Variants in LRP6 observed in about 807,000 individuals in gnomAD.
LRP6 encodes the protein low-density lipoprotein receptor-related protein 6.
Under a neutral mutation model 184.1 loss-of-function variants are expected in LRP6, and 43 were observed. That is an observed-to-expected ratio of 0.23 (90% CI 0.18 to 0.30). The LOEUF (loss-of-function observed/expected upper bound fraction) is 0.30, where lower values mean the gene tolerates loss of function less well. Among genes scored for constraint, LRP6 ranks in the 10% least tolerant of loss-of-function variants. The pLI, the probability that LRP6 is intolerant of heterozygous loss-of-function variation, is 1.00. For missense variants in LRP6, 1,571 were observed against 2,005.3 expected (o/e 0.78, Z 4.14); for synonymous variants, 719 against 684.9 (o/e 1.05, Z -0.78).
intron 18 of LRP6, 46 bp downstream of exon 18, chr12:12,131,775 T>A: frequency 2.0e-6 from 3 of 1,521,568 alleles, no homozygotes; most frequent in Non-Finnish European, 2.7e-6. Context: ...AACAACTGAA[T>A]GGGAAAAAAG....
chr12:12,252,246 A>G (rs1207856199), intron 1 of LRP6, among the ~76,000 whole-genome samples: 1 of 151,870 alleles, frequency 6.6e-6, no homozygotes. Context: ...TTTTTTCCAC[A>G]GTGGCCCATG....
intron 17 of LRP6, among the ~76,000 whole-genome samples, chr12:12,134,708 C>G (rs563532092): frequency 6.6e-6 from 1 of 152,232 alleles, no homozygotes; most frequent in South Asian, 2.1e-4. Flanking sequence ...AGAGAGATTA[C>G]AGGAGGTAGA....
At chr12:12,221,941 T>G (rs1864500145) in intron 2 of LRP6, among the ~76,000 whole-genome samples, 1 of 152,210 alleles carries the variant, frequency 6.6e-6, no homozygotes, top group Admixed American at 6.5e-5. Flanking sequence ...ATTTAATTGG[T>G]GGTTTTTCTG....
At position 12,207,036 on chromosome 12, in the gene LRP6, A is replaced by G. The variant is rs150675161; in HGVS notation, c.450-3636T>C. 5.8e-3 allele frequency among the ~76,000 whole-genome samples: 891 copies of G among 152,356 alleles called. 17 individuals carry two copies. Among genetic ancestry groups the G allele is most frequent in the Non-Finnish European group, 3.6e-3 (246 of 68,026 alleles). ...TTCCAGAAAAATACACCGCATCTCAATAAGAACTGTGGTATTTTAGCTAGG... is the reference window on the plus strand; with the variant it reads ...TTCCAGAAAAATACACCGCATCTCAGTAAGAACTGTGGTATTTTAGCTAGG... On this transcript the variant is annotated intron_variant, in intron 2 of 22. Coordinates refer to ENST00000261349, the MANE Select transcript of LRP6 (RefSeq NM_002336.3).
chr12:12,199,161 G>C (rs1411668683), intron 3 of LRP6, among the ~76,000 whole-genome samples: 9 of 152,040 alleles, frequency 5.9e-5, no homozygotes, highest in Admixed American at 1.3e-4. Flanking sequence ...AAATGGATGA[G>C]TGTGTTCAGT....
chr12:12,138,096 G>A (rs879392847), intron 16 of LRP6, among the ~76,000 whole-genome samples: 1 of 151,668 alleles, frequency 6.6e-6, no homozygotes, highest in Non-Finnish European at 1.5e-5. Flanking sequence ...ACTTGAACCC[G>A]GGAGGCAGAG....
In LRP6 at chr12:12,119,987, C is replaced by CAAACAAACAAACAAAAAAAAAAAAAAAAA. The variant is rs567315765; in HGVS notation, c.*1138_*1139insTTTTTTTTTTTTTTTTTGTTTGTTTGTTT. 4.7e-5 allele frequency: 2 copies of CAAACAAACAAACAAAAAAAAAAAAAAAAA among 42,938 alleles called. No homozygotes were observed. The highest frequency in any genetic ancestry group is 1.8e-4 in the African/African-American group (2 of 10,938). 2.7% of individuals were successfully genotyped at this position (42,938 alleles called of 1,614,324 possible). ...TTTACTCAGAAAACAAACAAACAAA[C>CAAACAAACAAACAAAAAAAAAAAAAAAAA]AAAATATATATATATATATATATAT... On this transcript the variant is annotated 3_prime_UTR_variant, in exon 23 of 23. Coordinates refer to ENST00000261349, the MANE Select transcript of LRP6 (RefSeq NM_002336.3).
intron 2 of LRP6, among the ~76,000 whole-genome samples, chr12:12,239,542 C>G (rs559941803): frequency 1.1e-4 from 17 of 152,122 alleles, no homozygotes; most frequent in Non-Finnish European, 2.1e-4. Flanking sequence ...TGACAAACCC[C>G]TCCTTCCAAA....
intron 12 of LRP6, chr12:12,155,540 CAGCACGTTA>C: frequency 1.3e-6 from 1 of 751,450 alleles, no homozygotes; most frequent in East Asian, 2.5e-5. Context: ...TATGCATATT[CAGCACGTTA>C]AGCACGCTAA....
intron 4 of LRP6, 113 bp from the exon 5 acceptor site, chr12:12,184,224 G>C: frequency 2.4e-6 from 2 of 836,446 alleles, no homozygotes; most frequent in Non-Finnish European, 4.1e-6. Context: ...ATGTCATGCA[G>C]GTGCTTGACT....
chr12:12,241,881 T>C (rs1430150312), intron 2 of LRP6, among the ~76,000 whole-genome samples: 2 of 152,154 alleles, frequency 1.3e-5, no homozygotes, highest in Admixed American at 1.3e-4. Flanking sequence ...CATTCAATAA[T>C]GAGAAATAAC....
At chr12:12,196,098 T>C (rs565861127) in intron 3 of LRP6, among the ~76,000 whole-genome samples, 1 of 152,308 alleles carries the variant, frequency 6.6e-6, no homozygotes, top group East Asian at 1.9e-4. Flanking sequence ...TACAACTTTG[T>C]GGTATATTTT....
At chr12:12,211,918 C>T (rs117354004) in intron 2 of LRP6, among the ~76,000 whole-genome samples, 2,960 of 152,170 alleles carry the variant, frequency 0.019, 47 homozygotes, top group Non-Finnish European at 0.029. Context: ...TGCTGTTATA[C>T]GTCATTCCTC....
In LRP6 at chr12:12,164,568, A is replaced by G. The variant is rs760005764; in HGVS notation, c.1763-6T>C. 1 of 1,614,032 alleles carries G rather than the reference A, an allele frequency of 6.2e-7. No individual in the cohort carries two copies. Among genetic ancestry groups the G allele is most frequent in the Non-Finnish European group, 8.5e-7 (1 of 1,179,954 alleles). On this transcript the variant is annotated splice_region_variant and splice_polypyrimidine_tract_variant and intron_variant, in intron 8 of 22. Transcript: ENST00000261349. ...CTCAGCACAGGGGTTGGAACCTAAA[A>G]GATTAATTATAAAAGGGGCACAGAA... is the stretch of plus-strand genomic sequence containing the variant.
At chr12:12,186,023 A>C in intron 4 of LRP6, among the ~76,000 whole-genome samples, 1 of 151,462 alleles carries the variant, frequency 6.6e-6, no homozygotes, top group Admixed American at 6.6e-5. Flanking sequence ...TATTTTTGTT[A>C]TTTTAGTAGA....
chr12:12,202,877 C>G (rs746099267), intron 3 of LRP6, among the ~76,000 whole-genome samples: 2 of 152,134 alleles, frequency 1.3e-5, no homozygotes, highest in African/African-American at 2.4e-5. Flanking sequence ...AGTAGCACTC[C>G]CAGTCCTTGG....
chr12:12,184,194 T>A, intron 4 of LRP6, 83 bp from the exon 5 acceptor site: 1 of 1,183,492 alleles, frequency 8.4e-7, no homozygotes, highest in Non-Finnish European at 1.3e-6. Flanking sequence ...ACAACTGTGA[T>A]AAGCCAAAAT....
chr12:12,156,749 T>C (rs1862589829), intron 12 of LRP6, among the ~76,000 whole-genome samples: 2 of 152,230 alleles, frequency 1.3e-5, no homozygotes, highest in African/African-American at 2.4e-5. Context: ...CTAATCTCTG[T>C]CTTCGTGCCT....
intron 7 of LRP6, among the ~76,000 whole-genome samples, chr12:12,178,271 T>C (rs987535125): frequency 6.6e-6 from 1 of 152,192 alleles, no homozygotes; most frequent in Non-Finnish European, 1.5e-5. Context: ...AATTTCTGTA[T>C]CTAAAGTATT....
Sources: gnomAD v4.1 joint callset for allele counts (sites outside exome capture counted in the v4.1 genomes callset) on GRCh38, gnomAD v4.1.1 for gene constraint, MANE v1.5 for transcripts, NCBI Gene and HGNC (gene_info 2026-07-23, HGNC 2026-07-21) for gene names.